THSD7B: variants seen among roughly 807,000 people sequenced by gnomAD.
THSD7B encodes the protein thrombospondin type 1 domain containing 7B, also known as thrombospondin type-1 domain-containing protein 7B.
A neutral mutation model predicts 213.6 loss-of-function variants in THSD7B; 138 were observed. That is an observed-to-expected ratio of 0.65 (90% CI 0.56 to 0.74). The LOEUF (loss-of-function observed/expected upper bound fraction) is 0.74. Ranked by LOEUF, THSD7B falls within the 30% of genes least tolerant of loss-of-function variation. The pLI is 0.00. For synonymous variants in THSD7B, 742 were observed against 687.0 expected (o/e 1.08, Z -1.25); for missense variants, 1,931 against 1,991.5 (o/e 0.97, Z 0.58).
chr2:136,890,324 T>TCTCCTTCTCCTTCTCCTTCTCCTTCTC (rs1558839816), intron 2 of THSD7B, among the ~76,000 whole-genome samples: 1 of 4,386 alleles, frequency 2.3e-4, no homozygotes, highest in African/African-American at 6.0e-4. Context: ...TTCTTCTTCT[T>TCTCCTTCTCCTTCTCCTTCTCCTTCTC]CTTCTTCTTC....
Position 137,275,906 on chromosome 2 carries a change from GT to G in THSD7B, c.2397-12del. 6.3e-7 allele frequency: 1 copy of G among 1,596,050 alleles called. No homozygotes were observed. The highest frequency in any genetic ancestry group is 8.6e-7 in the Non-Finnish European group (1 of 1,168,936). ...ATCACAGTAAAGTTTCTAGTCCATC[GT>G]TTTTGGTAATCACAGGTGGAAGCCA... On this transcript the variant is annotated splice_polypyrimidine_tract_variant and intron_variant, in intron 11 of 27. Transcript: ENST00000409968.
At chr2:137,339,317 G>A (rs1457850984) in intron 12 of THSD7B, among the ~76,000 whole-genome samples, 1 of 151,886 alleles carries the variant, frequency 6.6e-6, no homozygotes, top group Non-Finnish European at 1.5e-5. Flanking sequence ...AAAATAACTA[G>A]AGAAGAGCAA....
intron 5 of THSD7B, among the ~76,000 whole-genome samples, chr2:137,154,450 A>C (rs1267031234): frequency 6.6e-6 from 1 of 152,192 alleles, no homozygotes. Flanking sequence ...TTTTTACTTT[A>C]AGCAAATATA....
intron 1 of THSD7B, among the ~76,000 whole-genome samples, chr2:136,836,293 G>C (rs967108106): frequency 3.9e-5 from 6 of 152,150 alleles, no homozygotes; most frequent in Non-Finnish European, 8.8e-5. Context: ...CTGGACCTGA[G>C]GGTGTTAATT....
Position 137,127,519 on chromosome 2 carries a change from T to C in THSD7B, c.1369+12226T>C, listed in dbSNP as rs578102899. On this transcript the variant is annotated intron_variant, in intron 5 of 27. Coordinates refer to ENST00000409968, the MANE Select transcript of THSD7B (RefSeq NM_001316349.2). ...TAGGAGGAAACACTGAATTGAGAGT[T>C]AGATGAGTGGAATTCTAATTCTAAC... 1.5e-4 allele frequency among the ~76,000 whole-genome samples: 23 copies of C among 152,330 alleles called. 1 individual carries two copies. In the South Asian group the frequency reaches 4.8e-3, roughly 32 times the overall value.
intron 8 of THSD7B, 85 bp from the exon 9 acceptor site, chr2:137,232,814 T>C: frequency 7.9e-7 from 1 of 1,273,816 alleles, no homozygotes; most frequent in Non-Finnish European, 1.1e-6. Context: ...AGCAAAGCTG[T>C]CTCTCTAGAC....
At chr2:137,588,139 C>G (rs1005480662) in intron 17 of THSD7B, among the ~76,000 whole-genome samples, 2 of 152,196 alleles carry the variant, frequency 1.3e-5, no homozygotes, top group Admixed American at 6.5e-5. Context: ...GAGCCAGGCA[C>G]GGGATATAAT....
At chr2:137,496,021 G>GTCT (rs1301547739) in intron 15 of THSD7B, among the ~76,000 whole-genome samples, 7 of 19,314 alleles carry the variant, frequency 3.6e-4, no homozygotes, top group Non-Finnish European at 3.6e-4. Flanking sequence ...CAATTATTGG[G>GTCT]GTATCTGTTT....
intron 17 of THSD7B, among the ~76,000 whole-genome samples, chr2:137,589,680 G>T (rs1416021337): frequency 6.6e-6 from 1 of 152,054 alleles, no homozygotes; most frequent in Non-Finnish European, 1.5e-5. Context: ...GTATTTTAAG[G>T]CATATAAATG....
At chr2:137,412,472 T>A (rs1372907651) in intron 14 of THSD7B, among the ~76,000 whole-genome samples, 1 of 149,922 alleles carries the variant, frequency 6.7e-6, no homozygotes, top group Non-Finnish European at 1.5e-5. Flanking sequence ...TGGTGGCGCA[T>A]GCCTGTAATC....
intron 17 of THSD7B, among the ~76,000 whole-genome samples, chr2:137,593,489 C>G (rs1681903477): frequency 6.6e-6 from 1 of 151,774 alleles, no homozygotes; most frequent in Non-Finnish European, 1.5e-5. Flanking sequence ...ACAGTAATAT[C>G]TTTTAGTGAT....
chr2:137,316,769 A>G (rs1461994261), intron 12 of THSD7B, among the ~76,000 whole-genome samples: 1 of 102,318 alleles, frequency 9.8e-6, no homozygotes, highest in African/African-American at 3.8e-5. Context: ...AAAAAAAAAA[A>G]GAAAAAGAAA....
intron 12 of THSD7B, among the ~76,000 whole-genome samples, chr2:137,288,118 A>G (rs1201058844): frequency 2.0e-5 from 3 of 151,988 alleles, no homozygotes; most frequent in Non-Finnish European, 4.4e-5. Flanking sequence ...TTTCATTTCT[A>G]AAGAGAACAG....
At chr2:136,809,094 A>G (rs967631133) in intron 1 of THSD7B, among the ~76,000 whole-genome samples, 18 of 152,210 alleles carry the variant, frequency 1.2e-4, no homozygotes, top group Non-Finnish European at 1.9e-4. Flanking sequence ...TTTGTAAGGG[A>G]GAGGAATTTT....
chr2:137,117,559 A>G (rs900920359), intron 5 of THSD7B, among the ~76,000 whole-genome samples: 2 of 152,090 alleles, frequency 1.3e-5, no homozygotes, highest in African/African-American at 2.4e-5. Flanking sequence ...GTGAGTCACT[A>G]TTGACATCCC....
At chr2:136,802,639 T>TATATATATA (rs1682205694) in intron 1 of THSD7B, among the ~76,000 whole-genome samples, 9 of 57,380 alleles carry the variant, frequency 1.6e-4, no homozygotes, top group East Asian at 7.0e-4. Context: ...TGAATTAAGT[T>TATATATATA]TATATATATA....
At chr2:136,795,941 T>C (rs1340362540) in intron 1 of THSD7B, among the ~76,000 whole-genome samples, 1 of 151,962 alleles carries the variant, frequency 6.6e-6, no homozygotes, top group Non-Finnish European at 1.5e-5. Flanking sequence ...TTGGATCATA[T>C]GTGAGTCTGC....
chr2:137,084,915 C>T (rs1429426877), intron 3 of THSD7B, among the ~76,000 whole-genome samples: 3 of 152,098 alleles, frequency 2.0e-5, no homozygotes, highest in African/African-American at 7.2e-5. Flanking sequence ...TTGTAAGAAA[C>T]TAAAGACAAA....
In THSD7B at chr2:137,450,766, CTG is replaced by C. The variant is rs1687633494; in HGVS notation, c.2960-76_2960-75del. On this transcript the variant is annotated intron_variant, in intron 14 of 27. Transcript: ENST00000409968. Reference sequence around the variant, plus strand: ...AGCAATATTGTTGAAAAAATCCAAACTGTGATCATGGAAATAGAAAGTGAATT... The same window carrying C: ...AGCAATATTGTTGAAAAAATCCAAACTGATCATGGAAATAGAAAGTGAATT... 21 of 1,160,054 alleles carry C rather than the reference CTG, an allele frequency of 1.8e-5. 1 individual carries two copies. The South Asian group carries it at 2.9e-4, about 16-fold the overall frequency. The allele number at this position is 1,160,054 out of a possible 1,614,324, so 71.9% of individuals were successfully genotyped here.
Sources: allele counts gnomAD v4.1 joint callset (sites outside exome capture counted in the v4.1 genomes callset), GRCh38; gene constraint gnomAD v4.1.1; transcripts MANE v1.5; gene names NCBI Gene and HGNC (gene_info 2026-07-23, HGNC 2026-07-21).